GNB5: variants seen among roughly 807,000 people sequenced by gnomAD.
The protein encoded by GNB5 is G protein subunit beta 5, also known as guanine nucleotide-binding protein subunit beta-5.
In GNB5, 37 loss-of-function variants were observed where a neutral mutation model predicts 55.3. The observed-to-expected ratio is 0.67, with a 90% CI of 0.51 to 0.88. GNB5 has a LOEUF of 0.88. GNB5 is among the 40% of genes least tolerant of loss of function. GNB5 has a pLI of 0.00. For missense variants in GNB5, 476 were observed against 515.3 expected, an observed-to-expected ratio of 0.92 and a Z score of 0.74; for synonymous variants, 219 against 198.5, an observed-to-expected ratio of 1.10 and a Z score of -0.87.
intron 1 of GNB5, among the ~76,000 whole-genome samples, chr15:52,191,097 AT>A (rs1256503343): frequency 6.6e-6 from 1 of 152,220 alleles, no homozygotes; most frequent in East Asian, 1.9e-4. Flanking sequence ...AATGTAAAAA[AT>A]ATTGAAATAT....
chr15:52,155,936 A>G (rs1213189266), intron 3 of GNB5, among the ~76,000 whole-genome samples: 1 of 152,096 alleles, frequency 6.6e-6, no homozygotes, highest in Non-Finnish European at 1.5e-5. Context: ...TAAACATGTT[A>G]CCCCTCAAAC....
At chr15:52,123,090 G>T (rs1360133854) in intron 12 of GNB5, among the ~76,000 whole-genome samples, 3 of 152,088 alleles carry the variant, frequency 2.0e-5, no homozygotes, top group Non-Finnish European at 2.9e-5. Flanking sequence ...AAAACCATTT[G>T]AACCCATACA....
intron 7 of GNB5, among the ~76,000 whole-genome samples, chr15:52,136,153 CACACACACACACACACA>C (rs2033712100): frequency 6.5e-5 from 9 of 137,930 alleles, no homozygotes; most frequent in African/African-American, 2.0e-4. Flanking sequence ...CACACACACA[CACACACACACACACACA>C]CACCCTACCT....
chr15:52,183,953 G>C (rs552929773), intron 2 of GNB5, among the ~76,000 whole-genome samples: 2 of 152,260 alleles, frequency 1.3e-5, no homozygotes, highest in African/African-American at 4.8e-5. Flanking sequence ...TTTGTTGAAG[G>C]CTTAGGCCCA....
At chr15:52,148,742 G>T (rs900772489) in intron 5 of GNB5, among the ~76,000 whole-genome samples, 1 of 152,196 alleles carries the variant, frequency 6.6e-6, no homozygotes, top group Admixed American at 6.5e-5. Flanking sequence ...AATACTGTCT[G>T]CCCAAATACT....
At chr15:52,133,801 C>A (rs1290445179) in intron 8 of GNB5, among the ~76,000 whole-genome samples, 1 of 152,244 alleles carries the variant, frequency 6.6e-6, no homozygotes, top group African/African-American at 2.4e-5. Context: ...TCTTTTCTCT[C>A]TTCTCTTTAT....
chr15:52,140,020 C>T (rs959736485), intron 7 of GNB5: 4 of 1,130,514 alleles, frequency 3.5e-6, no homozygotes, highest in Non-Finnish European at 3.4e-6. Flanking sequence ...GTGGCCACAG[C>T]GCCCCCTGGT....
intron 4 of GNB5, among the ~76,000 whole-genome samples, chr15:52,150,763 A>G (rs1361730444): frequency 1.3e-5 from 2 of 152,200 alleles, no homozygotes; most frequent in Non-Finnish European, 2.9e-5. Flanking sequence ...AGGTAAATCC[A>G]TGTGAGCCCT....
At chr15:52,187,300 A>G (rs2034859307) in intron 1 of GNB5, among the ~76,000 whole-genome samples, 1 of 152,148 alleles carries the variant, frequency 6.6e-6, no homozygotes, top group African/African-American at 2.4e-5. Context: ...CAGGCTGTTA[A>G]GCAAGGGAGC....
intron 4 of GNB5, among the ~76,000 whole-genome samples, chr15:52,152,111 C>T (rs115208018): frequency 0.011 from 1,691 of 151,236 alleles, 24 homozygotes; most frequent in African/African-American, 0.039. Flanking sequence ...ATGTGACATA[C>T]TAGATTTGTA....
At chr15:52,134,464 C>T (rs937398049) in intron 8 of GNB5, among the ~76,000 whole-genome samples, 1 of 152,158 alleles carries the variant, frequency 6.6e-6, no homozygotes, top group Non-Finnish European at 1.5e-5. Flanking sequence ...GAAAGGCCTT[C>T]ACATCTTTAG....
intron 1 of GNB5, among the ~76,000 whole-genome samples, chr15:52,188,145 A>T (rs879643790): frequency 6.6e-6 from 1 of 152,146 alleles, no homozygotes; most frequent in Non-Finnish European, 1.5e-5. Flanking sequence ...ACTACTTTAT[A>T]TAATAGCATT....
At position 52,117,102 on chromosome 15, in the gene GNB5, A is replaced by ATATTTTTTTTTTTTTTTTTTTTTTTTTTT; in HGVS notation, c.*5654_*5655insAAAAAAAAAAAAAAAAAAAAAAAAAAATA. 1 of 87,100 alleles carries ATATTTTTTTTTTTTTTTTTTTTTTTTTTT rather than the reference A, an allele frequency of 1.1e-5. No homozygotes were observed. Among genetic ancestry groups the ATATTTTTTTTTTTTTTTTTTTTTTTTTTT allele is most frequent in the African/African-American group, 6.1e-5 (1 of 16,420 alleles). The allele number at this position is 87,100 out of a possible 1,614,324, so 5.4% of individuals were successfully genotyped here. A position where few individuals can be genotyped will look rare whatever the true frequency, so the allele number is the denominator to read the frequency against. ...CCACGCCCAGCTAATATATATATAT[A>ATATTTTTTTTTTTTTTTTTTTTTTTTTTT]TTTTTTTTTAGTACAGACAGGGTTT... On this transcript the variant is annotated 3_prime_UTR_variant, in exon 13 of 13. Coordinates refer to ENST00000261837, the MANE Select transcript of GNB5 (RefSeq NM_016194.4).
chr15:52,172,877 A>T (rs1022069097), intron 3 of GNB5, among the ~76,000 whole-genome samples: 4 of 152,172 alleles, frequency 2.6e-5, no homozygotes, highest in African/African-American at 9.7e-5. Flanking sequence ...TACTGCATAT[A>T]CAAGCACCTC....
At chr15:52,137,054 C>T in intron 7 of GNB5, 2 of 460,932 alleles carry the variant, frequency 4.3e-6, no homozygotes, top group South Asian at 1.6e-5. Context: ...GCTAAAACGG[C>T]CTTGCAAGAC....
chr15:52,185,642 G>A (rs146489190), intron 1 of GNB5, among the ~76,000 whole-genome samples: 26 of 152,182 alleles, frequency 1.7e-4, no homozygotes, highest in African/African-American at 6.3e-4. Context: ...AGGTGAGAAA[G>A]TAACTTTTAT....
chr15:52,163,495 G>A (rs993084094), intron 3 of GNB5, among the ~76,000 whole-genome samples: 2 of 152,226 alleles, frequency 1.3e-5, no homozygotes, highest in African/African-American at 4.8e-5. Context: ...CTGGGTGGAC[G>A]TGTAGGAGGG....
rs1279748691 is a variant in GNB5, at chr15:52,131,238, C to T, written c.863+2140G>A. The stretch of plus-strand genomic sequence containing the variant: ...TTCTAAAAAAGAAAAAGGAATGTTG[C>T]ATCTGTACTGAACCTTTTTTCTTGT... On this transcript the variant is annotated intron_variant, in intron 9 of 12. Coordinates refer to ENST00000261837, the MANE Select transcript of GNB5 (RefSeq NM_016194.4). 2.0e-5 allele frequency among the ~76,000 whole-genome samples: 3 copies of T among 152,282 alleles called. No homozygotes were observed. In the East Asian group the frequency reaches 5.8e-4, roughly 29 times the overall value.
Position 52,117,103 on chromosome 15 carries a change from T to TATATATATATTTATATA in GNB5, c.*5653_*5654insTATATAAATATATATAT, listed in dbSNP as rs1555403840. ...CACGCCCAGCTAATATATATATATA[T>TATATATATATTTATATA]TTTTTTTTAGTACAGACAGGGTTTC... On this transcript the variant is annotated 3_prime_UTR_variant, in exon 13 of 13. Coordinates refer to ENST00000261837, the MANE Select transcript of GNB5 (RefSeq NM_016194.4). 1.0e-5 allele frequency: 1 copy of TATATATATATTTATATA among 96,092 alleles called. No homozygotes were observed. Among genetic ancestry groups the TATATATATATTTATATA allele is most frequent in the Admixed American group, 1.0e-4 (1 of 9,702 alleles). 6.0% of individuals were successfully genotyped at this position (96,092 alleles called of 1,614,324 possible).
Sources: gnomAD v4.1 joint callset for allele counts (sites outside exome capture counted in the v4.1 genomes callset) on GRCh38, gnomAD v4.1.1 for gene constraint, MANE v1.5 for transcripts, NCBI Gene and HGNC (gene_info 2026-07-23, HGNC 2026-07-21) for gene names.